NKAIN3: variants seen among roughly 807,000 people sequenced by gnomAD.
NKAIN3 encodes the protein sodium/potassium transporting ATPase interacting 3.
A neutral mutation model predicts 30.2 loss-of-function variants in NKAIN3; 25 were observed. That is an observed-to-expected ratio of 0.83 (90% CI 0.60 to 1.16). NKAIN3 has a LOEUF of 1.16. Among genes scored for constraint, NKAIN3 ranks in the 50% most tolerant of loss-of-function variants. The pLI is 0.00. For synonymous variants in NKAIN3, 91 were observed against 89.6 expected (o/e 1.02, Z -0.09); for missense variants, 225 against 254.1 (o/e 0.89, Z 0.78).
intron 1 of NKAIN3, among the ~76,000 whole-genome samples, chr8:62,297,457 A>G (rs1333183423): frequency 6.6e-6 from 1 of 152,158 alleles, no homozygotes; most frequent in African/African-American, 2.4e-5. Context: ...ATCTACAATG[A>G]ACTCAAACAA....
intron 3 of NKAIN3, among the ~76,000 whole-genome samples, chr8:62,666,803 TC>T (rs1813117892): frequency 1.3e-5 from 2 of 152,040 alleles, no homozygotes. Context: ...TAAAAATTGT[TC>T]CAGCTCCTTA....
intron 1 of NKAIN3, among the ~76,000 whole-genome samples, chr8:62,306,253 A>G (rs976995879): frequency 6.7e-6 from 1 of 150,094 alleles, no homozygotes; most frequent in Non-Finnish European, 1.5e-5. Context: ...ACCAAATTTT[A>G]TCATTGCTTG....
intron 5 of NKAIN3, among the ~76,000 whole-genome samples, chr8:62,926,953 C>T (rs939145197): frequency 2.0e-5 from 3 of 152,178 alleles, no homozygotes; most frequent in African/African-American, 7.2e-5. Flanking sequence ...ACTTTACTCC[C>T]TCTGCCCAGC....
intron 1 of NKAIN3, among the ~76,000 whole-genome samples, chr8:62,567,976 A>G (rs1175247123): frequency 6.6e-6 from 1 of 152,206 alleles, no homozygotes; most frequent in Non-Finnish European, 1.5e-5. Context: ...GTATCAAATT[A>G]AAGATTACTG....
intron 5 of NKAIN3, among the ~76,000 whole-genome samples, 184 bp downstream of exon 5, chr8:62,918,697 C>A (rs1563627630): frequency 6.6e-6 from 1 of 152,134 alleles, no homozygotes; most frequent in African/African-American, 2.4e-5. Flanking sequence ...GGTGACACTA[C>A]ATATAGAAAC....
At chr8:62,585,255 G>A (rs984697398) in intron 2 of NKAIN3, among the ~76,000 whole-genome samples, 3 of 152,028 alleles carry the variant, frequency 2.0e-5, no homozygotes, top group African/African-American at 7.2e-5. Flanking sequence ...TAATTGAGGA[G>A]GCCTCTCGGC....
chr8:62,371,265 A>AT (rs1277442343), intron 1 of NKAIN3, among the ~76,000 whole-genome samples: 2 of 151,282 alleles, frequency 1.3e-5, no homozygotes, highest in African/African-American at 4.9e-5. Flanking sequence ...TTTTTAAACA[A>AT]TTTTTTTTCT....
chr8:62,520,087 G>A (rs1404484855), intron 1 of NKAIN3, among the ~76,000 whole-genome samples: 1 of 151,968 alleles, frequency 6.6e-6, no homozygotes. Context: ...AACTTTTTTT[G>A]TATACATTAG....
chr8:62,998,936 T>C (rs1804188626), intron 5 of NKAIN3, among the ~76,000 whole-genome samples: 1 of 152,150 alleles, frequency 6.6e-6, no homozygotes, highest in African/African-American at 2.4e-5. Flanking sequence ...TGATATCTCA[T>C]TGTGATTTTA....
chr8:62,360,302 TCAAAG>T (rs1222371381), intron 1 of NKAIN3, among the ~76,000 whole-genome samples: 1 of 152,188 alleles, frequency 6.6e-6, no homozygotes, highest in Admixed American at 6.5e-5. Context: ...TTATGTCATA[TCAAAG>T]CAAATGGTAT....
rs551352601 is a variant in NKAIN3, at chr8:62,883,704, T to C, written c.472-34749T>C. Among the ~76,000 whole-genome samples, 10 of 152,072 alleles carry C rather than the reference T, an allele frequency of 6.6e-5. No homozygotes were observed. The South Asian group carries it at 2.1e-3, about 32-fold the overall frequency. On this transcript the variant is annotated intron_variant, in intron 4 of 6. Transcript: ENST00000623646. ...TAGCTGTAGGTTTTTTGTAGATGTT[T>C]TTTGCCAAGTTGATTTTGTTTCCAA... is the stretch of plus-strand genomic sequence containing the variant.
intron 1 of NKAIN3, among the ~76,000 whole-genome samples, chr8:62,527,373 T>C (rs1452700307): frequency 1.3e-5 from 2 of 152,234 alleles, no homozygotes; most frequent in Admixed American, 6.5e-5. Flanking sequence ...TATTTAACAT[T>C]AAATGGAATT....
intron 4 of NKAIN3, among the ~76,000 whole-genome samples, chr8:62,852,467 G>A (rs911485191): frequency 3.7e-4 from 56 of 152,040 alleles, no homozygotes; most frequent in African/African-American, 1.3e-3. Flanking sequence ...GTTCTGCTCT[G>A]ATCTTAGTTA....
chr8:62,779,105 C>T (rs13250444), intron 4 of NKAIN3, among the ~76,000 whole-genome samples: 84,787 of 151,696 alleles, frequency 0.56, 25,060 homozygotes, highest in Non-Finnish European at 0.67. Context: ...CTCCTCTTTA[C>T]TCTTCCCTCT....
Position 62,256,292 on chromosome 8 carries a change from T to A in NKAIN3, c.54+7165T>A, listed in dbSNP as rs139888584. Among the ~76,000 whole-genome samples the A allele has an allele frequency of 3.0e-3, 454 of 152,060 alleles. 2 individuals are homozygous for A. Among genetic ancestry groups the A allele is most frequent in the African/African-American group, 0.01 (422 of 41,508 alleles). ...AAAAATAACCAAACAGTAAGATGAA[T>A]ACTTGTAGTCCTGCCTCCTTGGAGA... On this transcript the variant is annotated intron_variant, in intron 1 of 6. Coordinates refer to ENST00000623646, the MANE Select transcript of NKAIN3 (RefSeq NM_001304533.3).
At chr8:62,449,580 T>C (rs1805581093) in intron 1 of NKAIN3, among the ~76,000 whole-genome samples, 1 of 152,134 alleles carries the variant, frequency 6.6e-6, no homozygotes, top group Admixed American at 6.5e-5. Flanking sequence ...TACTTAAAGT[T>C]CTACTTCTTT....
At chr8:62,913,034 G>GAAGGTGTTTCAGGGGC (rs1821969524) in intron 4 of NKAIN3, among the ~76,000 whole-genome samples, 2 of 152,120 alleles carry the variant, frequency 1.3e-5, no homozygotes, top group Non-Finnish European at 2.9e-5. Context: ...TCTTTCACGG[G>GAAGGTGTTTCAGGGGC]AAGGTGTTTC....
intron 4 of NKAIN3, among the ~76,000 whole-genome samples, chr8:62,843,092 C>G (rs914751057): frequency 1.3e-5 from 2 of 151,726 alleles, no homozygotes; most frequent in African/African-American, 4.8e-5. Flanking sequence ...ATTTGCAAAC[C>G]ATGGGTCTTT....
intron 5 of NKAIN3, among the ~76,000 whole-genome samples, chr8:62,922,906 C>G (rs1188197555): frequency 6.6e-6 from 1 of 152,084 alleles, no homozygotes; most frequent in Non-Finnish European, 1.5e-5. Context: ...CTAGCTAATC[C>G]TCCCACTAGC....
Sources: allele counts gnomAD v4.1 joint callset (sites outside exome capture counted in the v4.1 genomes callset), GRCh38; gene constraint gnomAD v4.1.1; transcripts MANE v1.5; gene names NCBI Gene and HGNC (gene_info 2026-07-23, HGNC 2026-07-21).